The following CSMD3 variants were observed in gnomAD, a reference collection of about 807,000 sequenced individuals.
CSMD3 encodes the protein CUB and Sushi multiple domains 3.
Under a neutral mutation model 435.2 loss-of-function variants are expected in CSMD3, and 177 were observed. The observed-to-expected ratio is 0.41, with a 90% CI of 0.36 to 0.46. CSMD3 has a LOEUF of 0.46. Ranked by LOEUF, CSMD3 falls within the 20% of genes least tolerant of loss-of-function variation. The pLI, the probability that CSMD3 is intolerant of heterozygous loss-of-function variation, is 0.34. For synonymous variants in CSMD3, 1,656 were observed against 1,520.5 expected, an observed-to-expected ratio of 1.09 and a Z score of -2.07; for missense variants, 4,265 against 4,504.6, an observed-to-expected ratio of 0.95 and a Z score of 1.52.
chr8:112,441,565 A>T (rs992499204), intron 32 of CSMD3, among the ~76,000 whole-genome samples: 2 of 152,190 alleles, frequency 1.3e-5, no homozygotes, highest in African/African-American at 4.8e-5. Flanking sequence ...GTCCATTCTC[A>T]TGCTGCTATA....
chr8:112,695,263 G>A lies in CSMD3; in HGVS notation c.1973-5213C>T, dbSNP rs567569180. On this transcript the variant is annotated intron_variant, in intron 13 of 70. Transcript: ENST00000297405. Reference sequence around the variant, plus strand: ...CACACAGACATATCTAATATGTAACGTTATAGAAACCTAAAAATTATCTTC... The same window carrying A: ...CACACAGACATATCTAATATGTAACATTATAGAAACCTAAAAATTATCTTC... Among the ~76,000 whole-genome samples, 20 of 152,082 alleles carry A rather than the reference G, an allele frequency of 1.3e-4. No individual in the cohort carries two copies. In the South Asian group the frequency reaches 2.7e-3, roughly 21 times the overall value.
chr8:113,242,044 C>CT (rs1381554223), intron 3 of CSMD3, among the ~76,000 whole-genome samples: 1 of 150,950 alleles, frequency 6.6e-6, no homozygotes, highest in Non-Finnish European at 1.5e-5. Context: ...ATATTTTAAA[C>CT]ATAAAATAGT....
intron 10 of CSMD3, among the ~76,000 whole-genome samples, chr8:112,893,159 T>A (rs1287163876): frequency 3.3e-5 from 5 of 151,356 alleles, no homozygotes; most frequent in Non-Finnish European, 7.4e-5. Context: ...TAATTGGGTT[T>A]TTACTATGTA....
At chr8:112,439,247 TCTCCTG>T (rs1814713906) in intron 32 of CSMD3, among the ~76,000 whole-genome samples, 1 of 152,136 alleles carries the variant, frequency 6.6e-6, no homozygotes. Flanking sequence ...TTCACGCCAT[TCTCCTG>T]CCTCACCCTC....
chr8:112,398,357 A>T (rs1475283180), intron 35 of CSMD3, among the ~76,000 whole-genome samples: 1 of 152,114 alleles, frequency 6.6e-6, no homozygotes, highest in Non-Finnish European at 1.5e-5. Flanking sequence ...TTAGAGTTGC[A>T]TGCCTGTGGT....
chr8:113,350,007 G>A (rs917918882), intron 1 of CSMD3, among the ~76,000 whole-genome samples: 1 of 151,920 alleles, frequency 6.6e-6, no homozygotes, highest in African/African-American at 2.4e-5. Flanking sequence ...TAAGAGTCTA[G>A]AGTCCGAGGC....
chr8:112,787,262 C>G (rs2078569048), intron 13 of CSMD3, among the ~76,000 whole-genome samples: 1 of 152,034 alleles, frequency 6.6e-6, no homozygotes, highest in Non-Finnish European at 1.5e-5. Flanking sequence ...AATGGGATTG[C>G]TGGGTCAAAT....
intron 61 of CSMD3, among the ~76,000 whole-genome samples, chr8:112,258,344 A>G (rs1669953675): frequency 6.6e-6 from 1 of 152,204 alleles, no homozygotes; most frequent in Admixed American, 6.5e-5. Flanking sequence ...TGAACAGACA[A>G]CCTAGAGAAT....
chr8:113,083,922 A>C (rs2089659413), intron 5 of CSMD3, among the ~76,000 whole-genome samples: 1 of 152,100 alleles, frequency 6.6e-6, no homozygotes, highest in African/African-American at 2.4e-5. Flanking sequence ...GCAGTGAGCT[A>C]TGTTTGTGCC....
At chr8:112,431,263 A>T (rs1194412712) in intron 32 of CSMD3, among the ~76,000 whole-genome samples, 1 of 152,148 alleles carries the variant, frequency 6.6e-6, no homozygotes, top group African/African-American at 2.4e-5. Flanking sequence ...TTAATTTTTA[A>T]GTTTACCAAA....
At chr8:113,135,662 C>T (rs1357696595) in intron 4 of CSMD3, among the ~76,000 whole-genome samples, 1 of 151,282 alleles carries the variant, frequency 6.6e-6, no homozygotes, top group African/African-American at 2.4e-5. Flanking sequence ...AAATAAAGTC[C>T]CAAGAGCAAT....
At chr8:112,644,391 T>C (rs1815493583) in intron 20 of CSMD3, among the ~76,000 whole-genome samples, 1 of 152,022 alleles carries the variant, frequency 6.6e-6, no homozygotes, top group South Asian at 2.1e-4. Context: ...GCAAAATTGT[T>C]TGTTATAGAT....
intron 6 of CSMD3, among the ~76,000 whole-genome samples, chr8:112,982,966 A>C (rs1446747773): frequency 6.6e-6 from 1 of 152,006 alleles, no homozygotes; most frequent in South Asian, 2.1e-4. Flanking sequence ...GAATAGAGGT[A>C]TGAAAAAGAG....
At chr8:113,024,333 A>G (rs1587911931) in intron 5 of CSMD3, among the ~76,000 whole-genome samples, 1 of 141,414 alleles carries the variant, frequency 7.1e-6, no homozygotes, top group Admixed American at 7.2e-5. Context: ...TGTGTGTGTG[A>G]TCACACTTTC....
intron 10 of CSMD3, among the ~76,000 whole-genome samples, chr8:112,890,170 A>G (rs541765940): frequency 6.6e-6 from 1 of 151,832 alleles, no homozygotes; most frequent in Non-Finnish European, 1.5e-5. Flanking sequence ...GAGAAATAAA[A>G]CATCAGTGAC....
At chr8:112,559,410 G>A (rs16892592) in intron 24 of CSMD3, among the ~76,000 whole-genome samples, 2,620 of 151,936 alleles carry the variant, frequency 0.017, 74 homozygotes, top group African/African-American at 0.06. Context: ...GAGAGAGAAA[G>A]CAGCAGAATA....
intron 31 of CSMD3, among the ~76,000 whole-genome samples, chr8:112,485,018 A>G (rs1819985434): frequency 6.6e-6 from 1 of 152,176 alleles, no homozygotes; most frequent in South Asian, 2.1e-4. Context: ...ATGCTCCAGA[A>G]TCCATAGCAG....
At chr8:112,762,745 A>T (rs1382162342) in intron 13 of CSMD3, among the ~76,000 whole-genome samples, 1 of 151,918 alleles carries the variant, frequency 6.6e-6, no homozygotes, top group African/African-American at 2.4e-5. Flanking sequence ...TTTGAAAGGA[A>T]GAAAGCATAT....
intron 6 of CSMD3, among the ~76,000 whole-genome samples, chr8:113,003,847 A>C (rs770072157): frequency 1.3e-5 from 2 of 152,074 alleles, no homozygotes; most frequent in African/African-American, 4.8e-5. Flanking sequence ...ATACAAATCA[A>C]ATATATGTCA....
Sources: gnomAD v4.1 joint callset for allele counts (sites outside exome capture counted in the v4.1 genomes callset) on GRCh38, gnomAD v4.1.1 for gene constraint, MANE v1.5 for transcripts, NCBI Gene and HGNC (gene_info 2026-07-23, HGNC 2026-07-21) for gene names.